WWOX: variants seen among roughly 807,000 people sequenced by gnomAD.
The protein encoded by WWOX is WW domain containing oxidoreductase, also known as WW domain-containing oxidoreductase.
In WWOX, 69 loss-of-function variants were observed where a neutral mutation model predicts 46.2. The ratio of observed to expected loss-of-function variants is 1.49; its 90% CI spans 1.23 to 1.82. WWOX has a LOEUF of 1.82. WWOX is among the 40% of genes most tolerant of loss of function. The pLI is 0.00. For missense variants in WWOX, 919 were observed against 542.6 expected (o/e 1.69, Z -6.89); for synonymous variants, 359 against 202.6 (o/e 1.77, Z -6.56).
chr16:79,034,481 G>T (rs1262227746), intron 8 of WWOX, among the ~76,000 whole-genome samples: 1 of 152,178 alleles, frequency 6.6e-6, no homozygotes, highest in South Asian at 2.1e-4. Flanking sequence ...TCTTTTGGGG[G>T]CTCTGTTAAG....
intron 8 of WWOX, among the ~76,000 whole-genome samples, chr16:78,582,795 A>G (rs2045095186): frequency 6.6e-6 from 1 of 151,954 alleles, no homozygotes; most frequent in Non-Finnish European, 1.5e-5. Flanking sequence ...TCCTTATTCC[A>G]CCCTTTGATT....
At chr16:78,324,581 A>C (rs2080568017) in intron 5 of WWOX, among the ~76,000 whole-genome samples, 2 of 152,206 alleles carry the variant, frequency 1.3e-5, no homozygotes, top group African/African-American at 4.8e-5. Context: ...AAATGCGTGT[A>C]ATGGAATATT....
At chr16:78,228,806 C>T (rs560839270) in intron 5 of WWOX, among the ~76,000 whole-genome samples, 8 of 152,244 alleles carry the variant, frequency 5.3e-5, no homozygotes, top group African/African-American at 1.7e-4. Flanking sequence ...CTTCATTTAC[C>T]ACTCTCTCCT....
intron 8 of WWOX, among the ~76,000 whole-genome samples, chr16:78,838,504 G>A (rs2052051466): frequency 6.6e-6 from 1 of 152,186 alleles, no homozygotes; most frequent in African/African-American, 2.4e-5. Context: ...ACATTGGTAG[G>A]ATTCCATTTA....
At chr16:78,308,329 C>T (rs987431276) in intron 5 of WWOX, among the ~76,000 whole-genome samples, 1 of 152,128 alleles carries the variant, frequency 6.6e-6, no homozygotes, top group Non-Finnish European at 1.5e-5. Flanking sequence ...CGAAATAAAC[C>T]TGAAAAACTA....
At chr16:78,156,194 T>A (rs1422231651) in intron 4 of WWOX, among the ~76,000 whole-genome samples, 2 of 152,194 alleles carry the variant, frequency 1.3e-5, no homozygotes, top group African/African-American at 4.8e-5. Context: ...GGTGGAAGCT[T>A]GAGCCTGTAG....
At chr16:78,858,236 T>A (rs1481164115) in intron 8 of WWOX, among the ~76,000 whole-genome samples, 4 of 151,022 alleles carry the variant, frequency 2.6e-5, no homozygotes, top group African/African-American at 9.8e-5. Context: ...TGGTTTTTGA[T>A]TACATGGAGA....
intron 5 of WWOX, among the ~76,000 whole-genome samples, chr16:78,301,674 C>T (rs116905826): frequency 1.6e-3 from 236 of 152,250 alleles, no homozygotes; most frequent in South Asian, 3.7e-3. Context: ...CCCTCCAAGA[C>T]CTCAGGGCTG....
intron 8 of WWOX, among the ~76,000 whole-genome samples, chr16:78,483,833 T>C (rs934819779): frequency 6.6e-6 from 1 of 152,184 alleles, no homozygotes; most frequent in African/African-American, 2.4e-5. Context: ...TTAAAAAAAA[T>C]GAGAAGAGCC....
chr16:78,553,944 G>A (rs923353455), intron 8 of WWOX, among the ~76,000 whole-genome samples: 3 of 151,982 alleles, frequency 2.0e-5, no homozygotes, highest in Non-Finnish European at 4.4e-5. Flanking sequence ...TAGAAAGGTC[G>A]GGTGTCATAC....
intron 8 of WWOX, among the ~76,000 whole-genome samples, chr16:78,838,961 G>A (rs1298014026): frequency 6.6e-6 from 1 of 152,126 alleles, no homozygotes; most frequent in Non-Finnish European, 1.5e-5. Flanking sequence ...GGAGGATCCT[G>A]GTATAGATGG....
intron 6 of WWOX, among the ~76,000 whole-genome samples, chr16:78,395,470 C>G (rs1393755825): frequency 2.0e-5 from 3 of 152,106 alleles, no homozygotes; most frequent in Non-Finnish European, 4.4e-5. Context: ...CATGATCATG[C>G]TACTGCACTC....
chr16:79,028,285 G>T (rs1328060798), intron 8 of WWOX, among the ~76,000 whole-genome samples: 2 of 151,814 alleles, frequency 1.3e-5, no homozygotes, highest in African/African-American at 4.9e-5. Flanking sequence ...ACCTGGCCCA[G>T]TGTCTGGCAA....
At chr16:79,083,728 T>C (rs554650414) in intron 8 of WWOX, among the ~76,000 whole-genome samples, 1 of 152,190 alleles carries the variant, frequency 6.6e-6, no homozygotes, top group Non-Finnish European at 1.5e-5. Context: ...CTGAATTTGC[T>C]TCAAAGTTTT....
At chr16:78,372,538 A>G (rs1212940605) in intron 5 of WWOX, among the ~76,000 whole-genome samples, 1 of 152,126 alleles carries the variant, frequency 6.6e-6, no homozygotes, top group Non-Finnish European at 1.5e-5. Flanking sequence ...CCAGGTCTGA[A>G]ATCTGCTCTC....
Position 78,877,627 on chromosome 16 carries a change from G to C in WWOX, c.1057-333981G>C, listed in dbSNP as rs374813579. On this transcript the variant is annotated intron_variant, in intron 8 of 8. Coordinates refer to ENST00000566780, the MANE Select transcript of WWOX (RefSeq NM_016373.4). ...AGACATAGATGTGGACATAGATAGA[G>C]ACATAGACATACATGAGTTTTGTGT... is the stretch of plus-strand genomic sequence containing the variant. Among the ~76,000 whole-genome samples the C allele has an allele frequency of 2.1e-4, 32 of 152,268 alleles. No individual in the cohort carries two copies. In the East Asian group the frequency reaches 4.1e-3, roughly 19 times the overall value.
chr16:78,882,225 A>G (rs1431413367), intron 8 of WWOX, among the ~76,000 whole-genome samples: 1 of 152,180 alleles, frequency 6.6e-6, no homozygotes, highest in East Asian at 1.9e-4. Context: ...ACTTTCTAAC[A>G]TGTGTATAGT....
chr16:78,393,773 A>G (rs1048110690), intron 6 of WWOX, among the ~76,000 whole-genome samples: 1 of 152,070 alleles, frequency 6.6e-6, no homozygotes, highest in African/African-American at 2.4e-5. Context: ...ACTTTCTGTC[A>G]CCGGTATAAT....
At chr16:78,307,884 A>G (rs75890475) in intron 5 of WWOX, among the ~76,000 whole-genome samples, 167 of 152,334 alleles carry the variant, frequency 1.1e-3, no homozygotes, top group African/African-American at 3.7e-3. Flanking sequence ...TACCTTAAAA[A>G]AAAATCACAC....
Sources: gnomAD v4.1 joint callset for allele counts (sites outside exome capture counted in the v4.1 genomes callset) on GRCh38, gnomAD v4.1.1 for gene constraint, MANE v1.5 for transcripts, NCBI Gene and HGNC (gene_info 2026-07-23, HGNC 2026-07-21) for gene names.